The following SEMA4D variants were observed in gnomAD, a reference collection of about 807,000 sequenced individuals.
SEMA4D encodes semaphorin-4D.
SEMA4D carries 22 observed loss-of-function variants against 74.8 expected under a neutral mutation model. That is an observed-to-expected ratio of 0.29 (90% CI 0.21 to 0.42). The LOEUF is 0.42. SEMA4D is among the 10% of genes least tolerant of loss of function. The probability of loss-of-function intolerance (pLI) is 1.00; values close to 1 mark genes in which losing one functional copy is unlikely to be tolerated. For synonymous variants in SEMA4D, 445 were observed against 463.7 expected, an observed-to-expected ratio of 0.96 and a Z score of 0.52; for missense variants, 937 against 1,118.4, an observed-to-expected ratio of 0.84 and a Z score of 2.31.
intron 9 of SEMA4D, among the ~76,000 whole-genome samples, chr9:89,389,901 G>A (rs1401094084): frequency 2.0e-5 from 3 of 152,140 alleles, no homozygotes; most frequent in African/African-American, 4.8e-5. Context: ...TTCAGGTCAC[G>A]GGCAGCAGGT....
rs377709548 is a variant in SEMA4D, at chr9:89,378,973, C to G, written c.2320G>C (p.Gly774Arg). 6.2e-7 allele frequency: 1 copy of G among 1,613,874 alleles called. No homozygotes were observed. Among genetic ancestry groups the G allele is most frequent in the African/African-American group, 1.3e-5 (1 of 74,896 alleles). The change falls in exon 16 of 16, where the codon GGG becomes CGG. Residue 774 changes from glycine (G) to arginine (R), a missense_variant. Gly to Arg is a moderately radical substitution (Grantham distance 125). Coordinates refer to ENST00000422704, the MANE Select transcript of SEMA4D (RefSeq NM_001371194.2). The stretch of plus-strand genomic sequence containing the variant: ...AAATCTGACTTGGGCTTCTTCTTCC[C>G]AATTAGTAGGGCCGAGCGGAATTTC... The part of the protein sequence containing the change: ...CLKFRSALLI[G>R]KKKPKSDFCD...
chr9:89,388,619 C>T lies in SEMA4D; in HGVS notation c.1107+17G>A, dbSNP rs1297306014. ...CTTGAAGGGAAAGCACGGCCCGCCC[C>T]CAGTGCCCCAGCTCACCGCTCCAGG... On this transcript the variant is annotated intron_variant, in intron 11 of 15. Coordinates refer to ENST00000422704, the MANE Select transcript of SEMA4D (RefSeq NM_001371194.2). 6 of 1,589,682 alleles carry T rather than the reference C, an allele frequency of 3.8e-6. No individual in the cohort carries two copies. The Admixed American group carries it at 5.4e-5, about 14-fold the overall frequency.
chr9:89,389,088 TC>T (rs1564582805), intron 9 of SEMA4D, 41 bp from the exon 10 acceptor site: 2 of 1,608,638 alleles, frequency 1.2e-6, no homozygotes, highest in Admixed American at 3.3e-5. Flanking sequence ...CGAGAGTGGA[TC>T]CCCTGTGAGC....
At chr9:89,455,852 T>G (rs1426947298) in intron 2 of SEMA4D, 36 bp downstream of exon 2, 3 of 152,248 alleles carry the variant, frequency 2.0e-5, no homozygotes, top group Non-Finnish European at 4.4e-5. Flanking sequence ...AAAGGAACCA[T>G]GGCTCTCAGG....
At chr9:89,371,746 CGGG>C (rs1564500525) in intron 16 of SEMA4D, among the ~76,000 whole-genome samples, 10 of 20,770 alleles carry the variant, frequency 4.8e-4, no homozygotes, top group South Asian at 2.5e-3. Context: ...TGGTGTGTGT[CGGG>C]TGTGGTGTGT....
Position 89,474,540 on chromosome 9 carries a change from T to TG in SEMA4D, c.-309-18588dup, listed in dbSNP as rs1269559011. Reference sequence around the variant, plus strand: ...ATGACCAGAAGCACTAAAACTCACCTGCAGAACTCCACTGAGCTTCAGAAC... The same window carrying TG: ...ATGACCAGAAGCACTAAAACTCACCTGGCAGAACTCCACTGAGCTTCAGAAC... On this transcript the variant is annotated intron_variant, in intron 1 of 15. Transcript: ENST00000422704. Among the ~76,000 whole-genome samples, 3 of 152,236 alleles carry TG rather than the reference T, an allele frequency of 2.0e-5. No homozygotes were observed. The East Asian group carries it at 5.8e-4, about 29-fold the overall frequency.
In SEMA4D at chr9:89,381,248, C is replaced by T. The variant is rs762000415; in HGVS notation, c.1545G>A (p.Ala515=). The change falls in exon 14 of 16, where the codon GCG becomes GCA. Residue 515 remains alanine (A), a synonymous_variant. Coordinates refer to ENST00000422704, the MANE Select transcript of SEMA4D (RefSeq NM_001371194.2). The surrounding 1 kb of genome is among the most constrained non-coding windows in gnomAD (Gnocchi z 4.6). ...GGCTCCAGGCGCAGTAGGGGTCCCG[C>T]GCCAGCACACAGTCCTCGCAGGTGC... ...KHGTCEDCVL[A]RDPYCAWSPP... 2.2e-5 allele frequency: 36 copies of T among 1,604,040 alleles called. No homozygotes were observed. In the Admixed American group the frequency reaches 4.7e-4, roughly 21 times the overall value.
chr9:89,493,157 C>A (rs1043181633), intron 1 of SEMA4D, among the ~76,000 whole-genome samples: 4 of 152,194 alleles, frequency 2.6e-5, no homozygotes, highest in South Asian at 4.1e-4. Flanking sequence ...GAACCTAAGA[C>A]AAAGGAGCAT....
chr9:89,495,742 T>C (rs1278985288), intron 1 of SEMA4D, among the ~76,000 whole-genome samples: 1 of 152,122 alleles, frequency 6.6e-6, no homozygotes, highest in African/African-American at 2.4e-5. Context: ...GCTCCAACCC[T>C]GGAGCTCTGG....
At chr9:89,439,391 TTAGAATCCTCTAA>T (rs956492492) in intron 2 of SEMA4D, among the ~76,000 whole-genome samples, 17 of 152,228 alleles carry the variant, frequency 1.1e-4, no homozygotes, top group Non-Finnish European at 2.2e-4. Flanking sequence ...ATAGGGTTTC[TTAGAATCCTCTAA>T]GATCTAGTGG....
At chr9:89,376,838 G>T (rs1835858979), downstream of SEMA4D, 1 of 1,548,512 alleles carries the variant, frequency 6.5e-7, no homozygotes, top group Non-Finnish European at 8.7e-7. Flanking sequence ...CTCACCTGTG[G>T]CCTGGCAGAA....
At chr9:89,380,476 C>G (rs993320874) in intron 15 of SEMA4D, among the ~76,000 whole-genome samples, 1 of 152,204 alleles carries the variant, frequency 6.6e-6, no homozygotes, top group Non-Finnish European at 1.5e-5. Flanking sequence ...GGACTACAGG[C>G]GTGTACCACC....
At chr9:89,363,935 C>G in exon 17 of SEMA4D, 1 of 1,614,094 alleles carries the variant, frequency 6.2e-7, no homozygotes, top group Non-Finnish European at 8.5e-7. Flanking sequence ...CCAGACAAAG[C>G]GAATGTCTGC....
intron 13 of SEMA4D, chr9:89,385,016 C>T: frequency 1.0e-6 from 1 of 985,402 alleles, no homozygotes; most frequent in Non-Finnish European, 1.2e-6. Flanking sequence ...TCGGGTGGTC[C>T]AGTAGGACCA....
At position 89,402,848 on chromosome 9, in the gene SEMA4D, A is replaced by T. The variant is rs769325337; in HGVS notation, c.252+23T>A. On this transcript the variant is annotated intron_variant, in intron 4 of 15. Coordinates refer to ENST00000422704, the MANE Select transcript of SEMA4D (RefSeq NM_001371194.2). ...CCCACTCAAGCTGGGCTATGTGGAC[A>T]TGCAGGGGAGCCCAGGACGTACCTC... The T allele has an allele frequency of 3.1e-6, 5 of 1,606,928 alleles. No individual in the cohort carries two copies. The South Asian group carries it at 5.5e-5, about 18-fold the overall frequency.
chr9:89,404,409 T>C (rs1842831073), intron 3 of SEMA4D, among the ~76,000 whole-genome samples: 1 of 152,202 alleles, frequency 6.6e-6, no homozygotes, highest in Admixed American at 6.5e-5. Flanking sequence ...TATCTACAGT[T>C]GTCACAGCCT....
At chr9:89,449,898 G>A in intron 2 of SEMA4D, 1 of 1,449,600 alleles carries the variant, frequency 6.9e-7, no homozygotes, top group Non-Finnish European at 9.7e-7. Context: ...TGGGGTCCAT[G>A]TGAATGGCTT....
chr9:89,425,783 A>C (rs1176667758), intron 2 of SEMA4D, among the ~76,000 whole-genome samples: 1 of 152,168 alleles, frequency 6.6e-6, no homozygotes, highest in Non-Finnish European at 1.5e-5. Context: ...AACCGTCTAG[A>C]GCCACTGGGA....
chr9:89,480,854 A>T (rs1036647158), intron 1 of SEMA4D, among the ~76,000 whole-genome samples: 6 of 152,340 alleles, frequency 3.9e-5, no homozygotes, highest in Admixed American at 6.5e-5. Flanking sequence ...GCCAGCCCAG[A>T]AAGGGGCTCC....
Sources: allele counts gnomAD v4.1 joint callset (sites outside exome capture counted in the v4.1 genomes callset), GRCh38; gene constraint gnomAD v4.1.1; non-coding constraint Gnocchi (gnomAD v3.1); transcripts MANE v1.5; gene names NCBI Gene and HGNC (gene_info 2026-07-23, HGNC 2026-07-21).